The following LRP2 variants were observed in gnomAD, a reference collection of about 807,000 sequenced individuals.
LRP2 encodes the protein LDL receptor related protein 2.
A neutral mutation model predicts 531.0 loss-of-function variants in LRP2; 172 were observed. The ratio of observed to expected loss-of-function variants is 0.32; its 90% CI spans 0.29 to 0.37. The LOEUF (loss-of-function observed/expected upper bound fraction) is 0.37, where lower values mean the gene tolerates loss of function less well. LRP2 is among the 10% of genes least tolerant of loss of function. LRP2 has a pLI of 1.00. For synonymous variants in LRP2, 1,992 were observed against 2,027.6 expected, an observed-to-expected ratio of 0.98 and a Z score of 0.47; for missense variants, 5,167 against 5,868.3, an observed-to-expected ratio of 0.88 and a Z score of 3.90.
At chr2:169,295,804 C>T (rs1239062196) in intron 4 of LRP2, among the ~76,000 whole-genome samples, 2 of 144,804 alleles carry the variant, frequency 1.4e-5, no homozygotes, top group Non-Finnish European at 3.0e-5. Context: ...TGAAGTTCTG[C>T]CTTTTATGGC....
rs1371347569 is a variant in LRP2 at position 169,270,792 on chromosome 2, A to AAATAAAT, written c.2320+111_2320+112insATTTATT. The AAATAAAT allele has an allele frequency of 2.8e-5, 14 of 496,232 alleles. No homozygotes were observed. The East Asian group carries it at 4.9e-4, about 17-fold the overall frequency. 30.7% of individuals were successfully genotyped at this position (496,232 alleles called of 1,614,324 possible). ...TAAATAAATAAATAAATAAATAAAT[A>AAATAAAT]AGACTGCTTAAAAATTAGATACTGA... On this transcript the variant is annotated intron_variant, in intron 16 of 78. Transcript: ENST00000649046.
chr2:169,169,299 A>T (rs1458547652), intron 60 of LRP2, among the ~76,000 whole-genome samples: 1 of 152,230 alleles, frequency 6.6e-6, no homozygotes, highest in Admixed American at 6.5e-5. Flanking sequence ...TTTATACTCC[A>T]TCGTGTGACT....
chr2:169,285,527 C>T (rs1338694498), intron 9 of LRP2, among the ~76,000 whole-genome samples: 1 of 152,050 alleles, frequency 6.6e-6, no homozygotes, highest in East Asian at 1.9e-4. Context: ...ACTCCAATAC[C>T]TTTATCTATT....
intron 13 of LRP2, among the ~76,000 whole-genome samples, chr2:169,277,275 C>G (rs1226148664): frequency 1.3e-5 from 2 of 150,026 alleles, no homozygotes; most frequent in African/African-American, 2.5e-5. Flanking sequence ...GGTAAAAATA[C>G]AATACAAAGA....
At chr2:169,303,164 A>G (rs1684327939) in intron 4 of LRP2, among the ~76,000 whole-genome samples, 1 of 152,186 alleles carries the variant, frequency 6.6e-6, no homozygotes, top group South Asian at 2.1e-4. Flanking sequence ...TTCACTATAC[A>G]CTTCATGCTT....
intron 37 of LRP2, 119 bp downstream of exon 37, chr2:169,211,849 G>A (rs879797361): frequency 2.6e-5 from 36 of 1,374,742 alleles, no homozygotes; most frequent in African/African-American, 5.7e-5. Flanking sequence ...TTGATTTAAA[G>A]GGAAAGGAAA....
At position 169,257,830 on chromosome 2, in the gene LRP2, A is replaced by AC. The variant is rs199807137; in HGVS notation, c.2514-582_2514-581insG. 9.5e-3 allele frequency among the ~76,000 whole-genome samples: 1,428 copies of AC among 150,138 alleles called. 25 individuals are homozygous for AC. The highest frequency in any genetic ancestry group is 0.033 in the African/African-American group (1,354 of 40,476). ...GAGGCAAAAAAAAACAAAAACAAAA[A>AC]AAAAAAACACAAAAAAAACAAAAGA... On this transcript the variant is annotated intron_variant, in intron 17 of 78. Transcript: ENST00000649046.
intron 15 of LRP2, among the ~76,000 whole-genome samples, chr2:169,271,369 G>A (rs1683408964): frequency 6.6e-6 from 1 of 151,884 alleles, no homozygotes; most frequent in African/African-American, 2.4e-5. Flanking sequence ...TATGAAAAAT[G>A]ATATCCATAT....
chr2:169,324,560 C>T (rs1200576943), intron 1 of LRP2, among the ~76,000 whole-genome samples: 1 of 150,350 alleles, frequency 6.7e-6, no homozygotes, highest in African/African-American at 2.5e-5. Context: ...GTTTTGAAAT[C>T]GGTAGTAAAA....
At chr2:169,200,193 G>A (rs1688155410) in intron 44 of LRP2, among the ~76,000 whole-genome samples, 1 of 152,218 alleles carries the variant, frequency 6.6e-6, no homozygotes, top group African/African-American at 2.4e-5. Context: ...AGAGCTTGCA[G>A]TGAGCTGAGA....
chr2:169,256,730 A>G (rs908321228), intron 18 of LRP2, among the ~76,000 whole-genome samples: 3 of 152,070 alleles, frequency 2.0e-5, no homozygotes, highest in African/African-American at 7.2e-5. Context: ...TTGTTGATTA[A>G]TTGACTCCAA....
At chr2:169,268,750 C>G (rs1450683267) in intron 16 of LRP2, among the ~76,000 whole-genome samples, 3 of 152,110 alleles carry the variant, frequency 2.0e-5, no homozygotes, top group Non-Finnish European at 2.9e-5. Context: ...AAGTTCTGGC[C>G]AGGGCAATTA....
chr2:169,208,460 A>AT (rs1398741015), intron 38 of LRP2, among the ~76,000 whole-genome samples: 3 of 151,386 alleles, frequency 2.0e-5, no homozygotes, highest in East Asian at 1.9e-4. Flanking sequence ...CTTTTTTTAA[A>AT]TTTTTTTTTA....
chr2:169,235,912 G>T lies in LRP2; in HGVS notation c.4848C>A (p.Asp1616Glu). 6.2e-7 allele frequency: 1 copy of T among 1,614,166 alleles called. No homozygotes were observed. The highest frequency in any genetic ancestry group is 8.5e-7 in the Non-Finnish European group (1 of 1,179,994). ...DYPNRLLYFM[D>E]SYLDYMDFCD... ...AAAAGTCCATGTAATCAAGATAGGAGTCCATGAAGTAGAGCAGTCTGTTGG... is the reference window on the plus strand; with the variant it reads ...AAAAGTCCATGTAATCAAGATAGGATTCCATGAAGTAGAGCAGTCTGTTGG... The change falls in exon 29 of 79, where the codon GAC becomes GAA. Residue 1616 changes from aspartate (D) to glutamate (E), a missense_variant. This residue lies in a region of LRP2 where 2,811 missense variants were observed against 3,058.0 expected (regional missense o/e 0.92). Transcript: ENST00000649046.
intron 1 of LRP2, among the ~76,000 whole-genome samples, chr2:169,323,492 T>G (rs1684958727): frequency 6.6e-6 from 1 of 152,168 alleles, no homozygotes; most frequent in South Asian, 2.1e-4. Context: ...TAATAACAAT[T>G]GCAGGTGCCC....
At chr2:169,182,084 G>A in intron 51 of LRP2, 83 bp downstream of exon 51, 2 of 1,562,450 alleles carry the variant, frequency 1.3e-6, no homozygotes, top group Non-Finnish European at 1.8e-6. Flanking sequence ...TTGGCCTTGA[G>A]ATAGTTACAT....
intron 1 of LRP2, among the ~76,000 whole-genome samples, chr2:169,360,791 G>C (rs528872885): frequency 6.6e-6 from 1 of 152,240 alleles, no homozygotes; most frequent in African/African-American, 2.4e-5. Context: ...AAGACCTGTG[G>C]GGTTTGTTAG....
At chr2:169,299,070 GGAAAGAAAGAAAGAAGGAAAGAAAGAAA>G (rs1559063711) in intron 4 of LRP2, among the ~76,000 whole-genome samples, 45 of 114,996 alleles carry the variant, frequency 3.9e-4, no homozygotes, top group African/African-American at 1.7e-3. Flanking sequence ...AAAGAAAGAA[GGAAAGAAAGAAAGAAGGAAAGAAAGAAA>G]GAAAGAAAGA....
At chr2:169,332,756 C>CAT (rs1486141848) in intron 1 of LRP2, among the ~76,000 whole-genome samples, 4 of 152,120 alleles carry the variant, frequency 2.6e-5, no homozygotes, top group Admixed American at 6.5e-5. Flanking sequence ...TGCACATACA[C>CAT]ATATATATAC....
Sources: allele counts gnomAD v4.1 joint callset (sites outside exome capture counted in the v4.1 genomes callset), GRCh38; gene constraint gnomAD v4.1.1; regional missense constraint gnomAD v4.1.1; transcripts MANE v1.5; gene names NCBI Gene and HGNC (gene_info 2026-07-23, HGNC 2026-07-21).